The following CDK8 variants were observed in gnomAD, a reference collection of about 807,000 sequenced individuals.
CDK8 encodes cyclin-dependent kinase 8.
In CDK8, 29 loss-of-function variants were observed where a neutral mutation model predicts 71.5. The ratio of observed to expected loss-of-function variants is 0.41; its 90% confidence interval spans 0.30 to 0.55. The LOEUF (loss-of-function observed/expected upper bound fraction) is 0.55, where lower values mean the gene tolerates loss of function less well. Ranked by LOEUF, CDK8 falls within the 20% of genes least tolerant of loss-of-function variation. CDK8 has a pLI of 0.37. For missense variants in CDK8, 288 were observed against 572.6 expected (o/e 0.50, Z 5.07); for synonymous variants, 161 against 192.1 (o/e 0.84, Z 1.34).
chr13:26,315,122 G>A (rs1211504800), intron 1 of CDK8, among the ~76,000 whole-genome samples: 7 of 152,006 alleles, frequency 4.6e-5, no homozygotes, highest in Admixed American at 2.0e-4. Context: ...TCTATAGTCT[G>A]TTGTGCTTTT....
chr13:26,259,296 G>C (rs114182574), intron 1 of CDK8, among the ~76,000 whole-genome samples: 1,635 of 152,208 alleles, frequency 0.011, 28 homozygotes, highest in African/African-American at 0.038. Flanking sequence ...AAAAATTTTC[G>C]AGGGGGTAGG....
intron 2 of CDK8, among the ~76,000 whole-genome samples, chr13:26,342,109 T>C (rs1232429161): frequency 6.6e-6 from 1 of 152,128 alleles, no homozygotes; most frequent in Admixed American, 6.5e-5. Flanking sequence ...TTAGTAGAGA[T>C]GGAGTTTCAC....
At chr13:26,291,017 G>T (rs1873270997) in intron 1 of CDK8, among the ~76,000 whole-genome samples, 1 of 151,766 alleles carries the variant, frequency 6.6e-6, no homozygotes, top group East Asian at 1.9e-4. Context: ...TATTCGGGTG[G>T]TTGAGGCAGG....
intron 4 of CDK8, chr13:26,359,777 A>G (rs901954061): frequency 4.5e-5 from 18 of 404,216 alleles, no homozygotes; most frequent in African/African-American, 3.4e-4. Context: ...GTGCAATGGC[A>G]TGATCACAGC....
intron 4 of CDK8, among the ~76,000 whole-genome samples, chr13:26,356,556 C>T (rs1237059934): frequency 6.6e-6 from 1 of 152,138 alleles, no homozygotes; most frequent in East Asian, 1.9e-4. Flanking sequence ...GGTTCAGATG[C>T]CCACCTTTCA....
intron 1 of CDK8, among the ~76,000 whole-genome samples, chr13:26,317,614 A>T (rs1874572307): frequency 6.6e-6 from 1 of 152,204 alleles, no homozygotes; most frequent in African/African-American, 2.4e-5. Flanking sequence ...CAATGGGGTA[A>T]AGTTAGAAAT....
intron 1 of CDK8, among the ~76,000 whole-genome samples, chr13:26,259,614 C>T (rs1871683514): frequency 6.6e-6 from 1 of 152,098 alleles, no homozygotes; most frequent in African/African-American, 2.4e-5. Context: ...TTGAAGTTAC[C>T]TACCTTAGAT....
intron 1 of CDK8, among the ~76,000 whole-genome samples, chr13:26,256,071 G>T (rs1225797442): frequency 6.6e-6 from 1 of 152,184 alleles, no homozygotes; most frequent in African/African-American, 2.4e-5. Flanking sequence ...AATTTAGAAT[G>T]TGTATTTTAG....
At chr13:26,400,985 G>A (rs981553866) in intron 10 of CDK8, among the ~76,000 whole-genome samples, 2 of 152,050 alleles carry the variant, frequency 1.3e-5, no homozygotes, top group African/African-American at 4.8e-5. Context: ...ATCTATATTT[G>A]GTCTGTATTA....
intron 1 of CDK8, among the ~76,000 whole-genome samples, chr13:26,310,873 T>G (rs1185687983): frequency 6.6e-6 from 1 of 152,180 alleles, no homozygotes; most frequent in African/African-American, 2.4e-5. Flanking sequence ...CTCCATTGGC[T>G]TTGCATTGCA....
chr13:26,387,426 G>A (rs1455398126), intron 6 of CDK8, among the ~76,000 whole-genome samples: 1 of 152,054 alleles, frequency 6.6e-6, no homozygotes, highest in East Asian at 1.9e-4. Flanking sequence ...AGAACTTTAG[G>A]GTGATACAGC....
intron 1 of CDK8, among the ~76,000 whole-genome samples, chr13:26,287,648 A>G (rs553870502): frequency 1.3e-5 from 2 of 152,328 alleles, no homozygotes; most frequent in Non-Finnish European, 2.9e-5. Flanking sequence ...GGGTGCATCA[A>G]AATCTCAGAA....
intron 1 of CDK8, among the ~76,000 whole-genome samples, chr13:26,310,224 A>G (rs1256879800): frequency 2.6e-5 from 4 of 152,094 alleles, no homozygotes; most frequent in Non-Finnish European, 5.9e-5. Flanking sequence ...GGCCACCACC[A>G]TCTGCTCTCT....
At chr13:26,261,073 A>G (rs76849396) in intron 1 of CDK8, among the ~76,000 whole-genome samples, 29 of 152,322 alleles carry the variant, frequency 1.9e-4, no homozygotes, top group Admixed American at 9.1e-4. Context: ...CTCTTTAGCA[A>G]TCTTTTATCA....
At chr13:26,323,160 A>G (rs1006885353) in intron 1 of CDK8, among the ~76,000 whole-genome samples, 1 of 152,140 alleles carries the variant, frequency 6.6e-6, no homozygotes, top group Non-Finnish European at 1.5e-5. Flanking sequence ...ACATCTACAT[A>G]GAGTGGGTGG....
intron 10 of CDK8, among the ~76,000 whole-genome samples, chr13:26,400,854 G>A (rs1240811438): frequency 6.6e-6 from 1 of 152,008 alleles, no homozygotes; most frequent in Non-Finnish European, 1.5e-5. Context: ...ACAGTTTCAT[G>A]TTCCAAAATT....
At chr13:26,346,592 G>A (rs931837512) in intron 2 of CDK8, among the ~76,000 whole-genome samples, 49 of 152,200 alleles carry the variant, frequency 3.2e-4, no homozygotes, top group African/African-American at 1.1e-3. Flanking sequence ...CCAGCTGGGA[G>A]ATCCAGGATT....
chr13:26,292,981 T>G (rs1310517696), intron 1 of CDK8, among the ~76,000 whole-genome samples: 2 of 152,226 alleles, frequency 1.3e-5, no homozygotes, highest in Admixed American at 6.5e-5. Flanking sequence ...TCCTGAGATG[T>G]AGGACTGGGT....
At chr13:26,321,477 T>C (rs935848637) in intron 1 of CDK8, among the ~76,000 whole-genome samples, 14 of 152,128 alleles carry the variant, frequency 9.2e-5, no homozygotes, top group African/African-American at 3.4e-4. Context: ...GTTGTACACA[T>C]TATAAAGGTA....
Sources: gnomAD v4.1 joint callset for allele counts (sites outside exome capture counted in the v4.1 genomes callset) on GRCh38, gnomAD v4.1.1 for gene constraint, MANE v1.5 for transcripts, NCBI Gene and HGNC (gene_info 2026-07-23, HGNC 2026-07-21) for gene names.